The following AGAP1 variants were observed in gnomAD, a reference collection of about 807,000 sequenced individuals.
AGAP1 encodes ArfGAP with GTPase domain, ankyrin repeat and PH domain 1.
Under a neutral mutation model 105.3 loss-of-function variants are expected in AGAP1, and 29 were observed. The observed-to-expected ratio is 0.28, with a 90% CI of 0.21 to 0.38. AGAP1 has a LOEUF of 0.38. Among genes scored for constraint, AGAP1 ranks in the 10% least tolerant of loss-of-function variants. AGAP1 has a pLI of 1.00. For synonymous variants in AGAP1, 509 were observed against 485.9 expected (o/e 1.05, Z -0.63); for missense variants, 998 against 1,165.1 (o/e 0.86, Z 2.09).
intron 1 of AGAP1, among the ~76,000 whole-genome samples, chr2:235,632,744 C>T (rs374466238): frequency 2.6e-5 from 4 of 152,228 alleles, no homozygotes; most frequent in Admixed American, 2.0e-4. Context: ...AAACAGTGCC[C>T]GCTGATTTAA....
At chr2:236,094,923 CAAAAAAAAAAA>C (rs59126473) in intron 16 of AGAP1, among the ~76,000 whole-genome samples, 1,000 of 37,800 alleles carry the variant, frequency 0.026, 38 homozygotes, top group Admixed American at 0.19. Flanking sequence ...CCCATCTCTA[CAAAAAAAAAAA>C]AAAAAAAAAA....
At chr2:236,106,176 A>G (rs566696792) in intron 16 of AGAP1, among the ~76,000 whole-genome samples, 4 of 152,330 alleles carry the variant, frequency 2.6e-5, no homozygotes, top group East Asian at 1.9e-4. Flanking sequence ...TTGTTTGCCA[A>G]TTTCAAAGCA....
rs1043110500 is a variant in AGAP1 at position 235,824,080 on chromosome 2, T to G, written c.1050+16749T>G. Among the ~76,000 whole-genome samples the G allele has an allele frequency of 2.6e-5, 4 of 152,226 alleles. No homozygotes were observed. The highest frequency in any genetic ancestry group is 9.6e-5 in the African/African-American group (4 of 41,458). Reference sequence around the variant, plus strand: ...CCGAGCTCCCAGTATGTAACTTAACTTATATATAACTTAACATTCTGTTTA... The same window carrying G: ...CCGAGCTCCCAGTATGTAACTTAACGTATATATAACTTAACATTCTGTTTA... On this transcript the variant is annotated intron_variant, in intron 9 of 17. Coordinates refer to ENST00000304032, the MANE Select transcript of AGAP1 (RefSeq NM_001037131.3). This position sits in a 1 kb window ranked among gnomAD's most constrained non-coding sequence, Gnocchi z 5.2.
chr2:235,529,046 C>T (rs114130004), intron 1 of AGAP1, among the ~76,000 whole-genome samples: 347 of 152,318 alleles, frequency 2.3e-3, no homozygotes, highest in African/African-American at 7.4e-3. Context: ...TGTGTCTTCT[C>T]TCTTTCTGAG....
At chr2:235,945,899 G>C (rs1175501290) in intron 12 of AGAP1, among the ~76,000 whole-genome samples, 1 of 149,844 alleles carries the variant, frequency 6.7e-6, no homozygotes, top group African/African-American at 2.5e-5. Context: ...GGCGGTGGTG[G>C]TGGGGGCGAT....
rs78676992 is a variant in AGAP1 at position 235,725,196 on chromosome 2, G to A, written c.310+7552G>A. 4.1e-3 allele frequency among the ~76,000 whole-genome samples: 620 copies of A among 152,254 alleles called. 9 individuals are homozygous for A. The highest frequency in any genetic ancestry group is 0.014 in the African/African-American group (593 of 41,550). ...CAGCCACCTGCAAGTCTTTGTTCCC[G>A]GGGTTAGCCTTGCCACCCTCCTTCA... is the stretch of plus-strand genomic sequence containing the variant. On this transcript the variant is annotated intron_variant, in intron 3 of 17. Coordinates refer to ENST00000304032, the MANE Select transcript of AGAP1 (RefSeq NM_001037131.3). This position sits in a 1 kb window ranked among gnomAD's most constrained non-coding sequence, Gnocchi z 5.7.
chr2:235,596,843 G>A lies in AGAP1; in HGVS notation c.163+101994G>A, dbSNP rs1334688920. Among the ~76,000 whole-genome samples, 4 of 152,244 alleles carry A rather than the reference G, an allele frequency of 2.6e-5. No homozygotes were observed. Among genetic ancestry groups the A allele is most frequent in the African/African-American group, 4.8e-5 (2 of 41,530 alleles). ...GTATTAGGAGGTGGGTCTGTGGGAG[G>A]TATCAGGTCATGGGAGTGGACCCCT... On this transcript the variant is annotated intron_variant, in intron 1 of 17. Coordinates refer to ENST00000304032, the MANE Select transcript of AGAP1 (RefSeq NM_001037131.3). This position sits in a 1 kb window ranked among gnomAD's most constrained non-coding sequence, Gnocchi z 5.9.
In AGAP1 at chr2:235,552,639, G is replaced by A. The variant is rs933194738; in HGVS notation, c.163+57790G>A. ...CGTATGGGCAGGTGCACACACACCT[G>A]GCAGAGGTTTGGAGCTGGGTTGTGG... On this transcript the variant is annotated intron_variant, in intron 1 of 17. Transcript: ENST00000304032. This position sits in a 1 kb window ranked among gnomAD's most constrained non-coding sequence, Gnocchi z 5.9. 6.6e-5 allele frequency among the ~76,000 whole-genome samples: 10 copies of A among 152,216 alleles called. No homozygotes were observed. The highest frequency in any genetic ancestry group is 2.2e-4 in the African/African-American group (9 of 41,464).
chr2:235,873,815 C>T (rs560867365), intron 9 of AGAP1, among the ~76,000 whole-genome samples: 24 of 152,268 alleles, frequency 1.6e-4, no homozygotes, highest in African/African-American at 5.3e-4. Flanking sequence ...GCAGCCTCGA[C>T]CTCCTGAGCT....
chr2:235,743,661 T>C (rs1373305526), intron 4 of AGAP1, among the ~76,000 whole-genome samples: 1 of 152,076 alleles, frequency 6.6e-6, no homozygotes, highest in African/African-American at 2.4e-5. Context: ...TTCACTTACA[T>C]GCAGAAGTCA....
At chr2:235,991,914 A>T (rs2055578871) in intron 13 of AGAP1, among the ~76,000 whole-genome samples, 1 of 152,228 alleles carries the variant, frequency 6.6e-6, no homozygotes. Flanking sequence ...AAAGTAAAAG[A>T]TTCGCTACAG....
rs2053962932 is a variant in AGAP1 at position 235,956,636 on chromosome 2, GAGAAGCTT to G, written c.1484-11825_1484-11818del. 1.1e-4 allele frequency among the ~76,000 whole-genome samples: 16 copies of G among 152,354 alleles called. No individual in the cohort carries two copies. In the South Asian group the frequency reaches 3.1e-3, roughly 30 times the overall value. On this transcript the variant is annotated intron_variant, in intron 12 of 17. Coordinates refer to ENST00000304032, the MANE Select transcript of AGAP1 (RefSeq NM_001037131.3). The stretch of plus-strand genomic sequence containing the variant: ...GTATGACCTGGGAGGCGAGAACACA[GAGAAGCTT>G]GAGAAGCCCAGGGCTGTCCCACCTG...
intron 1 of AGAP1, among the ~76,000 whole-genome samples, chr2:235,647,619 C>A (rs1947435205): frequency 6.6e-6 from 1 of 152,138 alleles, no homozygotes; most frequent in Non-Finnish European, 1.5e-5. Context: ...AACTCCTGAA[C>A]TCAAATGATC....
chr2:235,822,613 G>A (rs901577876), intron 9 of AGAP1, among the ~76,000 whole-genome samples: 3 of 152,144 alleles, frequency 2.0e-5, no homozygotes, highest in Non-Finnish European at 4.4e-5. Context: ...GGAATGGGGA[G>A]AAGCTGAAGA....
intron 1 of AGAP1, among the ~76,000 whole-genome samples, chr2:235,606,818 G>A (rs988167217): frequency 4.6e-5 from 7 of 152,046 alleles, no homozygotes; most frequent in African/African-American, 1.4e-4. Context: ...GCATGGTGGC[G>A]CACGCCTGCA....
chr2:235,974,138 A>G (rs1013800819), intron 13 of AGAP1, among the ~76,000 whole-genome samples: 5 of 152,192 alleles, frequency 3.3e-5, no homozygotes, highest in Admixed American at 2.6e-4. Flanking sequence ...CCCCAGTGAA[A>G]AGGCTGAAGT....
chr2:235,677,488 T>C (rs1948804067), intron 1 of AGAP1, among the ~76,000 whole-genome samples: 2 of 152,158 alleles, frequency 1.3e-5, no homozygotes, highest in African/African-American at 4.8e-5. Context: ...GTCCTTTGTT[T>C]GGAATGGTGA....
rs1559661943 is a variant in AGAP1 at position 235,931,410 on chromosome 2, C to A, written c.1483+487C>A. Among the ~76,000 whole-genome samples the A allele has an allele frequency of 6.6e-6, 1 of 152,220 alleles. No homozygotes were observed. Among genetic ancestry groups the A allele is most frequent in the African/African-American group, 2.4e-5 (1 of 41,556 alleles). ...TAAATTCTGGAGTCCCCTTTGTAAT[C>A]CTTCAGTTTTCAAATTCCTTTGGCA... On this transcript the variant is annotated intron_variant, in intron 12 of 17. Coordinates refer to ENST00000304032, the MANE Select transcript of AGAP1 (RefSeq NM_001037131.3). This position sits in a 1 kb window ranked among gnomAD's most constrained non-coding sequence, Gnocchi z 5.6.
rs1944053345 is a variant in AGAP1, at chr2:235,558,746, T to TA, written c.163+63898dup. On this transcript the variant is annotated intron_variant, in intron 1 of 17. Transcript: ENST00000304032. ...GCACCCGCTTTCAGCCGCAGCAACT[T>TA]ACAATAATGCCGTTATGCCCTCAGC... is the stretch of plus-strand genomic sequence containing the variant. 1.3e-5 allele frequency among the ~76,000 whole-genome samples: 2 copies of TA among 152,176 alleles called. 1 individual carries two copies. The highest frequency in any genetic ancestry group is 4.1e-4 in the South Asian group (2 of 4,828).
Sources: allele counts gnomAD v4.1 joint callset (sites outside exome capture counted in the v4.1 genomes callset), GRCh38; gene constraint gnomAD v4.1.1; non-coding constraint Gnocchi (gnomAD v3.1); transcripts MANE v1.5; gene names NCBI Gene and HGNC (gene_info 2026-07-23, HGNC 2026-07-21).